Variants in COLGALT2 observed in about 807,000 individuals in gnomAD.
The protein encoded by COLGALT2 is procollagen galactosyltransferase 2.
A neutral mutation model predicts 73.4 loss-of-function variants in COLGALT2; 49 were observed. The observed-to-expected ratio is 0.67, with a 90% confidence interval of 0.53 to 0.85. COLGALT2 has a LOEUF of 0.85. Among genes scored for constraint, COLGALT2 ranks in the 40% least tolerant of loss-of-function variants. The pLI is 0.00. For missense variants in COLGALT2, 722 were observed against 790.2 expected (o/e 0.91, Z 1.03); for synonymous variants, 295 against 307.6 (o/e 0.96, Z 0.43).
chr1:184,037,088 C>T lies in COLGALT2; in HGVS notation c.263+7G>A. ...GCCGCGGCGGCCCGGGGCCCGTGCG[C>T]GCTCACCAGATGGCCATCCTGCTCT... On this transcript the variant is annotated splice_region_variant and intron_variant, in intron 1 of 11. Transcript: ENST00000361927. 3 of 1,560,478 alleles carry T rather than the reference C, an allele frequency of 1.9e-6. No individual in the cohort carries two copies. Among genetic ancestry groups the T allele is most frequent in the Non-Finnish European group, 1.7e-6 (2 of 1,158,508 alleles).
intron 1 of COLGALT2, among the ~76,000 whole-genome samples, chr1:183,982,435 T>G (rs1462642819): frequency 6.6e-6 from 1 of 151,814 alleles, no homozygotes; most frequent in Non-Finnish European, 1.5e-5. Context: ...GCAATGAGAG[T>G]CTAACCACTG....
At chr1:184,000,893 G>C (rs1204913399) in intron 1 of COLGALT2, among the ~76,000 whole-genome samples, 1 of 148,614 alleles carries the variant, frequency 6.7e-6, no homozygotes, top group Non-Finnish European at 1.5e-5. Context: ...GCAGTGGAGC[G>C]ATCTCGGCTC....
At chr1:183,982,458 G>A (rs557325568) in intron 1 of COLGALT2, among the ~76,000 whole-genome samples, 1 of 152,192 alleles carries the variant, frequency 6.6e-6, no homozygotes, top group African/African-American at 2.4e-5. Context: ...CTCGTGATAG[G>A]AAGCATGCAG....
At chr1:183,955,561 G>A (rs893198132) in intron 6 of COLGALT2, among the ~76,000 whole-genome samples, 2 of 151,998 alleles carry the variant, frequency 1.3e-5, no homozygotes, top group Non-Finnish European at 2.9e-5. Context: ...AATAATGAAA[G>A]TTTTATTTAT....
chr1:184,020,312 G>C (rs915357448), intron 1 of COLGALT2, among the ~76,000 whole-genome samples: 4 of 152,168 alleles, frequency 2.6e-5, no homozygotes, highest in African/African-American at 9.7e-5. Context: ...CTAACTGGTA[G>C]ATGTTGAATA....
At chr1:183,996,129 GC>G (rs1162867742) in intron 1 of COLGALT2, among the ~76,000 whole-genome samples, 1 of 152,172 alleles carries the variant, frequency 6.6e-6, no homozygotes, top group African/African-American at 2.4e-5. Flanking sequence ...TGAAAGACAG[GC>G]CATAAATGTT....
chr1:183,984,034 A>G (rs1335693324), intron 1 of COLGALT2, among the ~76,000 whole-genome samples: 3 of 152,194 alleles, frequency 2.0e-5, no homozygotes, highest in African/African-American at 7.2e-5. Flanking sequence ...CTTTGCCTCA[A>G]TTCTCCAACT....
intron 1 of COLGALT2, among the ~76,000 whole-genome samples, chr1:184,003,324 A>G (rs1172385718): frequency 6.6e-6 from 1 of 152,124 alleles, no homozygotes; most frequent in East Asian, 1.9e-4. Flanking sequence ...AAAAAGACTC[A>G]TGACTGGAGT....
In COLGALT2 at chr1:183,951,091, C is replaced by T. The variant is rs531974563; in HGVS notation, c.1052G>A (p.Arg351His). 4 of 1,613,042 alleles carry T rather than the reference C, an allele frequency of 2.5e-6. No homozygotes were observed. Among genetic ancestry groups the T allele is most frequent in the Admixed American group, 1.7e-5 (1 of 59,990 alleles). Residue 351 changes from arginine to histidine, a missense_variant, in exon 8 of 12, where the codon CGC becomes CAC. Physicochemically the swap from Arg to His is conservative, Grantham distance 29. Coordinates refer to ENST00000361927, the MANE Select transcript of COLGALT2 (RefSeq NM_015101.4). ...CATCCGGTCCCGCCTGTCCTTTCTG[C>T]GTTTGAGGTTTATCATGAAAATCTA... ...FDEIFMINLK[R>H]RKDRRDRMLR...
chr1:183,958,507 G>C (rs1670612385), intron 6 of COLGALT2, among the ~76,000 whole-genome samples: 1 of 151,984 alleles, frequency 6.6e-6, no homozygotes, highest in Non-Finnish European at 1.5e-5. Context: ...TTGAGAGATT[G>C]TATCTTTTGT....
chr1:183,980,597 T>C (rs1671322770), intron 1 of COLGALT2, among the ~76,000 whole-genome samples: 1 of 152,160 alleles, frequency 6.6e-6, no homozygotes, highest in East Asian at 1.9e-4. Context: ...TAGGCTCATG[T>C]GTTTTTACAA....
chr1:184,008,406 A>T (rs997736020), intron 1 of COLGALT2, among the ~76,000 whole-genome samples: 2 of 152,252 alleles, frequency 1.3e-5, no homozygotes, highest in African/African-American at 4.8e-5. Context: ...AACAATTCAT[A>T]AAATGATGAC....
chr1:183,930,176 G>A (rs1669809697), exon 12 of COLGALT2: 1 of 455,924 alleles, frequency 2.2e-6, no homozygotes, highest in Admixed American at 2.4e-5. Context: ...TGATGAACAC[G>A]ACCACCTCTG....
intron 1 of COLGALT2, among the ~76,000 whole-genome samples, chr1:184,011,991 C>T (rs551670439): frequency 2.0e-4 from 30 of 152,088 alleles, no homozygotes; most frequent in Admixed American, 5.9e-4. Flanking sequence ...AGGAAAAGGG[C>T]AGAAAAGGAA....
At chr1:183,968,530 C>T (rs752773109) in intron 5 of COLGALT2, among the ~76,000 whole-genome samples, 2 of 152,204 alleles carry the variant, frequency 1.3e-5, no homozygotes, top group Non-Finnish European at 2.9e-5. Context: ...TTCTTTCCTT[C>T]TTCTAGAGTG....
chr1:183,934,672 G>A (rs1669911185), downstream of COLGALT2, among the ~76,000 whole-genome samples: 1 of 152,090 alleles, frequency 6.6e-6, no homozygotes, highest in Non-Finnish European at 1.5e-5. Context: ...CTGTTTAGTT[G>A]GCAAGAATGT....
At chr1:183,987,482 T>C (rs562467795) in intron 1 of COLGALT2, among the ~76,000 whole-genome samples, 1 of 152,380 alleles carries the variant, frequency 6.6e-6, no homozygotes, top group Admixed American at 6.5e-5. Flanking sequence ...GGACACCCTC[T>C]ATCTGTAATT....
chr1:183,952,659 T>A (rs1465355692), intron 7 of COLGALT2, among the ~76,000 whole-genome samples: 1 of 152,236 alleles, frequency 6.6e-6, no homozygotes, highest in African/African-American at 2.4e-5. Flanking sequence ...TATCCATTTA[T>A]AAATCCCTGG....
intron 3 of COLGALT2, among the ~76,000 whole-genome samples, chr1:183,974,201 T>C (rs1261161398): frequency 6.6e-6 from 1 of 152,218 alleles, no homozygotes; most frequent in Non-Finnish European, 1.5e-5. Context: ...ATGTGACAAG[T>C]AGAATTTTTG....
Sources: gnomAD v4.1 joint callset for allele counts (sites outside exome capture counted in the v4.1 genomes callset) on GRCh38, gnomAD v4.1.1 for gene constraint, MANE v1.5 for transcripts, NCBI Gene and HGNC (gene_info 2026-07-23, HGNC 2026-07-21) for gene names.